Variants in TAF3 observed in about 807,000 individuals in gnomAD.
The protein encoded by TAF3 is TATA-box binding protein associated factor 3, also known as transcription initiation factor TFIID subunit 3.
Under a neutral mutation model 80.6 loss-of-function variants are expected in TAF3, and 7 were observed. The ratio of observed to expected loss-of-function variants is 0.09; its 90% CI spans 0.05 to 0.16. TAF3 has a LOEUF of 0.16. Among genes scored for constraint, TAF3 ranks in the 10% least tolerant of loss-of-function variants. TAF3 has a pLI of 1.00. For missense variants in TAF3, 921 were observed against 1,140.2 expected, an observed-to-expected ratio of 0.81 and a Z score of 2.77; for synonymous variants, 444 against 446.1, an observed-to-expected ratio of 1.00 and a Z score of 0.06.
In TAF3 at chr10:7,965,072, TAAA is replaced by T; in HGVS notation, c.1563_1565del (p.Lys524del). On this transcript the variant is annotated inframe_deletion, in exon 3 of 7. Coordinates refer to ENST00000344293, the MANE Select transcript of TAF3 (RefSeq NM_031923.4). ...ACCAAGCTGCCTTCCTCCGTGGAGG[TAAA>T]GAAGAAGTTGAAAAAGGAACTAAAG... is the stretch of plus-strand genomic sequence containing the variant. 6.2e-7 allele frequency: 1 copy of T among 1,612,926 alleles called. No homozygotes were observed. The highest frequency in any genetic ancestry group is 8.5e-7 in the Non-Finnish European group (1 of 1,179,834).
intron 2 of TAF3, among the ~76,000 whole-genome samples, chr10:7,845,959 G>GTTT (rs34163537): frequency 8.4e-5 from 11 of 130,934 alleles, no homozygotes; most frequent in East Asian, 2.2e-4. Context: ...GTGTGTTTTT[G>GTTT]TTTTTTTTTT....
Position 7,824,675 on chromosome 10 carries a change from A to G in TAF3, c.409+115A>G, listed in dbSNP as rs957054156. 5 of 1,302,068 alleles carry G rather than the reference A, an allele frequency of 3.8e-6. No homozygotes were observed. The African/African-American group carries it at 5.9e-5, about 15-fold the overall frequency. 80.7% of individuals were successfully genotyped at this position (1,302,068 alleles called of 1,614,324 possible). The stretch of plus-strand genomic sequence containing the variant: ...TTCTGGAAACACAATAGAAACATTT[A>G]CTGTTACTTACAAATTATTCTAACC... On this transcript the variant is annotated intron_variant, in intron 2 of 6. Coordinates refer to ENST00000344293, the MANE Select transcript of TAF3 (RefSeq NM_031923.4).
At position 8,014,539 on chromosome 10, in the gene TAF3, A is replaced by T. The variant is rs1832085255; in HGVS notation, c.2676-98A>T. 40 of 1,050,404 alleles carry T rather than the reference A, an allele frequency of 3.8e-5. No homozygotes were observed. In the South Asian group the frequency reaches 5.8e-4, roughly 15 times the overall value. 65.1% of individuals were successfully genotyped at this position (1,050,404 alleles called of 1,614,324 possible). A position where few individuals can be genotyped will look rare whatever the true frequency, so the allele number is the denominator to read the frequency against. ...GCTGCTTGACTTTGATTTCGGGTAAACATGTCATAGACTCTAAAAAATTAC... is the reference window on the plus strand; with the variant it reads ...GCTGCTTGACTTTGATTTCGGGTAATCATGTCATAGACTCTAAAAAATTAC... On this transcript the variant is annotated intron_variant, in intron 6 of 6. Coordinates refer to ENST00000344293, the MANE Select transcript of TAF3 (RefSeq NM_031923.4).
At chr10:7,984,288 GA>G (rs1167893173) in intron 4 of TAF3, among the ~76,000 whole-genome samples, 4 of 152,006 alleles carry the variant, frequency 2.6e-5, no homozygotes, top group Middle Eastern at 6.8e-3. Context: ...ATGTTTACTA[GA>G]AAAAAATAGT....
chr10:7,835,650 A>C (rs1836844531), intron 2 of TAF3, among the ~76,000 whole-genome samples: 1 of 151,968 alleles, frequency 6.6e-6, no homozygotes, highest in Non-Finnish European at 1.5e-5. Flanking sequence ...TACTCCCTGT[A>C]CTGGAAGTGG....
intron 2 of TAF3, among the ~76,000 whole-genome samples, chr10:7,828,640 T>C (rs1294278992): frequency 6.6e-6 from 1 of 151,862 alleles, no homozygotes; most frequent in Non-Finnish European, 1.5e-5. Context: ...CAGCGTACTA[T>C]GCCAAAGTCA....
chr10:7,883,789 C>A (rs962899985), intron 2 of TAF3, among the ~76,000 whole-genome samples: 7 of 152,172 alleles, frequency 4.6e-5, no homozygotes, highest in South Asian at 2.1e-4. Context: ...AGTCCATTTT[C>A]TGTTGCTTAG....
intron 2 of TAF3, among the ~76,000 whole-genome samples, chr10:7,949,071 T>G (rs1838056932): frequency 6.6e-6 from 1 of 152,226 alleles, no homozygotes; most frequent in African/African-American, 2.4e-5. Context: ...GTCAGGATGA[T>G]TTCCCATTAC....
At chr10:7,911,986 A>C (rs1331655318) in intron 2 of TAF3, among the ~76,000 whole-genome samples, 1 of 152,212 alleles carries the variant, frequency 6.6e-6, no homozygotes, top group Non-Finnish European at 1.5e-5. Context: ...ACAACGAGTC[A>C]TATGCACTTT....
chr10:7,934,644 C>T (rs1243228239), intron 2 of TAF3, among the ~76,000 whole-genome samples: 6 of 152,006 alleles, frequency 3.9e-5, no homozygotes, highest in Admixed American at 6.5e-5. Flanking sequence ...GGAGTTTCAC[C>T]GTGTTGGCCA....
intron 2 of TAF3, among the ~76,000 whole-genome samples, chr10:7,951,066 A>G (rs530047595): frequency 6.6e-6 from 1 of 152,352 alleles, no homozygotes; most frequent in South Asian, 2.1e-4. Flanking sequence ...AAGGGTATGC[A>G]TCGATTAGCT....
rs1360831292 is a variant in TAF3 at position 7,917,803 on chromosome 10, A to G, written c.410-46117A>G. Among the ~76,000 whole-genome samples, 9 of 152,344 alleles carry G rather than the reference A, an allele frequency of 5.9e-5. No individual in the cohort carries two copies. The East Asian group carries it at 1.5e-3, about 26-fold the overall frequency. On this transcript the variant is annotated intron_variant, in intron 2 of 6. Transcript: ENST00000344293. ...TGAAGAAGGAAATACTTTTGAAGTT[A>G]TATAAGATGAAAACTGAAAATGGAC...
chr10:7,827,186 C>T (rs1051052865), intron 2 of TAF3, among the ~76,000 whole-genome samples: 8 of 152,168 alleles, frequency 5.3e-5, no homozygotes, highest in African/African-American at 9.7e-5. Flanking sequence ...GTGGACCTCA[C>T]GGCATCACTG....
chr10:8,009,316 G>T lies in TAF3; in HGVS notation c.2554G>T (p.Val852Phe). ...CGTGCGCAGCGTGGTGACTGAGACG[G>T]TCAGCACCTACGTGGTGCGTACCTG... ...APVRSVVTET[V>F]STYVIRDEWG... is the part of the protein sequence containing the mutation. Residue 852 changes from valine to phenylalanine, a missense_variant, in exon 5 of 7, where the codon GTC becomes TTC. Coordinates refer to ENST00000344293, the MANE Select transcript of TAF3 (RefSeq NM_031923.4). This position sits in a 1 kb window ranked among gnomAD's most constrained non-coding sequence, Gnocchi z 4.1. The T allele has an allele frequency of 6.3e-7, 1 of 1,591,854 alleles. No homozygotes were observed.
intron 3 of TAF3, among the ~76,000 whole-genome samples, chr10:7,967,548 A>C (rs1447046630): frequency 6.6e-6 from 1 of 152,246 alleles, no homozygotes; most frequent in African/African-American, 2.4e-5. Context: ...GAGCAGGTAC[A>C]TGGCAAAAGA....
intron 2 of TAF3, among the ~76,000 whole-genome samples, chr10:7,914,968 T>C (rs1837695594): frequency 1.5e-5 from 2 of 131,078 alleles, no homozygotes; most frequent in South Asian, 5.3e-4. Flanking sequence ...TGAGACAGAG[T>C]CTTGCTCTGT....
At chr10:7,831,881 T>G (rs1564342849) in intron 2 of TAF3, among the ~76,000 whole-genome samples, 1 of 152,036 alleles carries the variant, frequency 6.6e-6, no homozygotes, top group Admixed American at 6.5e-5. Flanking sequence ...TTTCTTTTCT[T>G]TTTTTAATTT....
At chr10:7,899,174 G>A (rs1048724545) in intron 2 of TAF3, among the ~76,000 whole-genome samples, 9 of 152,088 alleles carry the variant, frequency 5.9e-5, no homozygotes, top group African/African-American at 2.2e-4. Flanking sequence ...TGCGATTTTC[G>A]ATCCTGGGCC....
chr10:7,922,273 G>C (rs1837769605), intron 2 of TAF3, among the ~76,000 whole-genome samples: 2 of 151,978 alleles, frequency 1.3e-5, no homozygotes, highest in South Asian at 2.1e-4. Flanking sequence ...TTTTAGACTA[G>C]GTTTTATTTG....
Sources: gnomAD v4.1 joint callset for allele counts (sites outside exome capture counted in the v4.1 genomes callset) on GRCh38, gnomAD v4.1.1 for gene constraint, Gnocchi (gnomAD v3.1) non-coding constraint, MANE v1.5 for transcripts, NCBI Gene and HGNC (gene_info 2026-07-23, HGNC 2026-07-21) for gene names.